The following NR3C2 variants were observed in gnomAD, a reference collection of about 807,000 sequenced individuals.
NR3C2 encodes the protein nuclear receptor subfamily 3 group C member 2.
In NR3C2, 15 loss-of-function variants were observed where a neutral mutation model predicts 86.4. The observed-to-expected ratio is 0.17, with a 90% CI of 0.12 to 0.27. The LOEUF (loss-of-function observed/expected upper bound fraction) is 0.27. Ranked by LOEUF, NR3C2 falls within the 10% of genes least tolerant of loss-of-function variation. The pLI, the probability that NR3C2 is intolerant of heterozygous loss-of-function variation, is 1.00. For synonymous variants in NR3C2, 458 were observed against 450.5 expected (o/e 1.02, Z -0.21); for missense variants, 960 against 1,195.6 (o/e 0.80, Z 2.91).
intron 4 of NR3C2, among the ~76,000 whole-genome samples, chr4:148,161,188 G>GTTT (rs869032695): frequency 2.3e-5 from 3 of 130,622 alleles, no homozygotes; most frequent in African/African-American, 7.8e-5. Flanking sequence ...AATACAGGTT[G>GTTT]TTTTTTAAAA....
At chr4:148,317,539 C>T (rs1182503716) in intron 2 of NR3C2, among the ~76,000 whole-genome samples, 1 of 151,762 alleles carries the variant, frequency 6.6e-6, no homozygotes, top group Non-Finnish European at 1.5e-5. Flanking sequence ...TCAGAAGCTA[C>T]ATTAAAAAAA....
intron 4 of NR3C2, among the ~76,000 whole-genome samples, chr4:148,192,160 C>A (rs757454716): frequency 5.5e-4 from 84 of 152,196 alleles, no homozygotes; most frequent in Admixed American, 4.6e-4. Context: ...TGTTCAGATT[C>A]TTTTGTCCCA....
intron 2 of NR3C2, among the ~76,000 whole-genome samples, chr4:148,391,702 A>T (rs533005527): frequency 1.3e-5 from 2 of 152,088 alleles, no homozygotes; most frequent in Non-Finnish European, 2.9e-5. Context: ...CCCTCTCTCT[A>T]CTAAAAATAC....
chr4:148,166,785 G>A (rs1734899049), intron 4 of NR3C2, among the ~76,000 whole-genome samples: 1 of 151,152 alleles, frequency 6.6e-6, no homozygotes, highest in African/African-American at 2.4e-5. Context: ...AATAGACTTG[G>A]ATAGAAACAG....
intron 2 of NR3C2, among the ~76,000 whole-genome samples, chr4:148,374,212 C>G (rs1332417062): frequency 6.6e-6 from 1 of 152,070 alleles, no homozygotes; most frequent in East Asian, 1.9e-4. Context: ...AGAAAAATTT[C>G]CTCAAGTTAT....
At chr4:148,376,452 C>A (rs1267792084) in intron 2 of NR3C2, among the ~76,000 whole-genome samples, 2 of 152,180 alleles carry the variant, frequency 1.3e-5, no homozygotes, top group Non-Finnish European at 2.9e-5. Context: ...GGAATGTAGC[C>A]CCACATGCAA....
At chr4:148,231,172 C>G (rs187535940) in intron 3 of NR3C2, among the ~76,000 whole-genome samples, 2 of 152,296 alleles carry the variant, frequency 1.3e-5, no homozygotes, top group African/African-American at 4.8e-5. Context: ...CTAAAAGTAT[C>G]ATTTTCTTAG....
intron 2 of NR3C2, among the ~76,000 whole-genome samples, chr4:148,394,782 C>T (rs1413289278): frequency 6.6e-6 from 1 of 152,092 alleles, no homozygotes; most frequent in Non-Finnish European, 1.5e-5. Context: ...GGGGAAAGAA[C>T]AGTTTATTGT....
chr4:148,156,831 C>T (rs537725527), intron 4 of NR3C2, among the ~76,000 whole-genome samples: 33 of 152,084 alleles, frequency 2.2e-4, no homozygotes, highest in Non-Finnish European at 3.2e-4. Flanking sequence ...CTATAAATCA[C>T]GCTGTGATAA....
At chr4:148,370,069 G>T (rs1381081810) in intron 2 of NR3C2, among the ~76,000 whole-genome samples, 1 of 152,200 alleles carries the variant, frequency 6.6e-6, no homozygotes, top group Non-Finnish European at 1.5e-5. Context: ...TTTTCTAGCG[G>T]TGGTGATGGA....
chr4:148,291,898 T>G (rs892037399), intron 2 of NR3C2, among the ~76,000 whole-genome samples: 1 of 152,108 alleles, frequency 6.6e-6, no homozygotes, highest in Non-Finnish European at 1.5e-5. Flanking sequence ...ACACTTACAT[T>G]AGCCTACAGG....
At chr4:148,295,058 T>C (rs986764759) in intron 2 of NR3C2, among the ~76,000 whole-genome samples, 1 of 152,128 alleles carries the variant, frequency 6.6e-6, no homozygotes. Flanking sequence ...CATTCTCACC[T>C]TAAATATTAA....
At chr4:148,169,671 TA>T in intron 4 of NR3C2, among the ~76,000 whole-genome samples, 1 of 152,264 alleles carries the variant, frequency 6.6e-6, no homozygotes, top group Admixed American at 6.5e-5. Context: ...ATTCAAATGA[TA>T]AAAGATCTAA....
chr4:148,365,572 C>G (rs1746072395), intron 2 of NR3C2, among the ~76,000 whole-genome samples: 1 of 151,964 alleles, frequency 6.6e-6, no homozygotes, highest in South Asian at 2.1e-4. Flanking sequence ...TGACAGGTAT[C>G]AAAATATTTT....
At chr4:148,087,217 G>C (rs1730854961) in intron 8 of NR3C2, among the ~76,000 whole-genome samples, 2 of 152,084 alleles carry the variant, frequency 1.3e-5, no homozygotes, top group African/African-American at 4.8e-5. Context: ...CAAGGGATGT[G>C]AAGGACATCT....
intron 2 of NR3C2, among the ~76,000 whole-genome samples, chr4:148,353,168 A>G (rs961520748): frequency 2.0e-5 from 3 of 152,130 alleles, no homozygotes; most frequent in South Asian, 2.1e-4. Context: ...CAGATAATAT[A>G]GTATTTTAGT....
At chr4:148,270,535 CAT>C (rs1740627341) in intron 2 of NR3C2, among the ~76,000 whole-genome samples, 1 of 152,100 alleles carries the variant, frequency 6.6e-6, no homozygotes, top group Non-Finnish European at 1.5e-5. Flanking sequence ...GACACCATGC[CAT>C]ATTTATTTCA....
At chr4:148,382,156 C>T (rs1322227890) in intron 2 of NR3C2, among the ~76,000 whole-genome samples, 1 of 152,144 alleles carries the variant, frequency 6.6e-6, no homozygotes, top group African/African-American at 2.4e-5. Flanking sequence ...CTACATAAGC[C>T]TTTATGAAGT....
intron 2 of NR3C2, among the ~76,000 whole-genome samples, chr4:148,357,981 T>C (rs895660923): frequency 6.6e-6 from 1 of 152,214 alleles, no homozygotes; most frequent in Non-Finnish European, 1.5e-5. Context: ...CAAAGGACTA[T>C]ATTTACTTAA....
Sources: gnomAD v4.1 joint callset for allele counts (sites outside exome capture counted in the v4.1 genomes callset) on GRCh38, gnomAD v4.1.1 for gene constraint, MANE v1.5 for transcripts, NCBI Gene and HGNC (gene_info 2026-07-23, HGNC 2026-07-21) for gene names.